Variants in CAMK4 observed in about 807,000 individuals in gnomAD.
CAMK4 encodes calcium/calmodulin dependent protein kinase IV, also known as calcium/calmodulin-dependent protein kinase type IV.
Under a neutral mutation model 44.9 loss-of-function variants are expected in CAMK4, and 22 were observed. The observed-to-expected ratio is 0.49, with a 90% CI of 0.35 to 0.70. The LOEUF (loss-of-function observed/expected upper bound fraction) is 0.70, where lower values mean the gene tolerates loss of function less well. Ranked by LOEUF, CAMK4 falls within the 30% of genes least tolerant of loss-of-function variation. The pLI, the probability that CAMK4 is intolerant of heterozygous loss-of-function variation, is 0.01. For synonymous variants in CAMK4, 218 were observed against 215.4 expected, an observed-to-expected ratio of 1.01 and a Z score of -0.11; for missense variants, 498 against 586.8, an observed-to-expected ratio of 0.85 and a Z score of 1.56.
At chr5:111,450,293 C>A (rs1580769655) in intron 7 of CAMK4, among the ~76,000 whole-genome samples, 2 of 152,326 alleles carry the variant, frequency 1.3e-5, no homozygotes, top group East Asian at 3.9e-4. Context: ...AAGATCGCAC[C>A]ACTGCACTAC....
chr5:111,350,135 C>G (rs1750031856), intron 2 of CAMK4, among the ~76,000 whole-genome samples: 1 of 151,986 alleles, frequency 6.6e-6, no homozygotes, highest in Non-Finnish European at 1.5e-5. Context: ...ATCTCTCAAT[C>G]TGTTTTTTCA....
intron 1 of CAMK4, among the ~76,000 whole-genome samples, chr5:111,253,105 AAC>A (rs1245384938): frequency 6.6e-6 from 1 of 152,260 alleles, no homozygotes; most frequent in African/African-American, 2.4e-5. Context: ...TAACTGGAGC[AAC>A]ACAGACACAT....
At chr5:111,278,497 T>G (rs1479887779) in intron 1 of CAMK4, among the ~76,000 whole-genome samples, 2 of 152,206 alleles carry the variant, frequency 1.3e-5, no homozygotes, top group South Asian at 2.1e-4. Context: ...TACATTATAT[T>G]ATAAACAAAG....
intron 1 of CAMK4, among the ~76,000 whole-genome samples, chr5:111,236,038 G>A (rs943361571): frequency 1.3e-5 from 2 of 152,180 alleles, no homozygotes; most frequent in East Asian, 1.9e-4. Context: ...ATAAAGCCCC[G>A]CACCTCACTC....
At chr5:111,252,350 TA>T (rs1749540150) in intron 1 of CAMK4, among the ~76,000 whole-genome samples, 1 of 152,182 alleles carries the variant, frequency 6.6e-6, no homozygotes, top group Non-Finnish European at 1.5e-5. Flanking sequence ...ATGGGGTGAG[TA>T]CCTTCTTATA....
At chr5:111,401,981 G>A (rs1029707528) in intron 5 of CAMK4, among the ~76,000 whole-genome samples, 1 of 152,310 alleles carries the variant, frequency 6.6e-6, no homozygotes, top group South Asian at 2.1e-4. Flanking sequence ...GCTGATAAGA[G>A]GCACTGAGAC....
chr5:111,416,329 A>G (rs1206878474), intron 5 of CAMK4, among the ~76,000 whole-genome samples: 1 of 152,182 alleles, frequency 6.6e-6, no homozygotes, highest in Non-Finnish European at 1.5e-5. Flanking sequence ...CCAGAGGAAT[A>G]TTACATTATA....
intron 7 of CAMK4, among the ~76,000 whole-genome samples, chr5:111,458,909 G>A (rs962068080): frequency 6.6e-6 from 1 of 152,056 alleles, no homozygotes; most frequent in African/African-American, 2.4e-5. Flanking sequence ...ATAGGAGAGG[G>A]GATAACTAAC....
intron 5 of CAMK4, among the ~76,000 whole-genome samples, chr5:111,436,761 C>T (rs1753660606): frequency 6.6e-6 from 1 of 152,126 alleles, no homozygotes; most frequent in Non-Finnish European, 1.5e-5. Context: ...ACATCAGTTT[C>T]GCTTTAATAC....
At chr5:111,247,742 T>C (rs992315908) in intron 1 of CAMK4, among the ~76,000 whole-genome samples, 3 of 152,148 alleles carry the variant, frequency 2.0e-5, no homozygotes, top group African/African-American at 7.2e-5. Flanking sequence ...TAATCTACTT[T>C]AGTGTTGTCT....
At chr5:111,331,915 A>G (rs749343863) in intron 1 of CAMK4, among the ~76,000 whole-genome samples, 20 of 151,542 alleles carry the variant, frequency 1.3e-4, no homozygotes, top group Non-Finnish European at 2.8e-4. Flanking sequence ...TAAGTTCATT[A>G]GGGGCCAGAA....
intron 5 of CAMK4, among the ~76,000 whole-genome samples, chr5:111,444,170 T>C (rs910330032): frequency 3.3e-5 from 5 of 152,228 alleles, no homozygotes; most frequent in Admixed American, 6.5e-5. Flanking sequence ...GCAAGACGTA[T>C]GTGCTCTACA....
At chr5:111,245,823 G>A (rs1428518239) in intron 1 of CAMK4, among the ~76,000 whole-genome samples, 1 of 152,242 alleles carries the variant, frequency 6.6e-6, no homozygotes, top group Non-Finnish European at 1.5e-5. Flanking sequence ...TGTTGGGTGT[G>A]TACGTCATAA....
intron 7 of CAMK4, among the ~76,000 whole-genome samples, chr5:111,460,427 A>T (rs1035508662): frequency 6.6e-5 from 10 of 151,756 alleles, no homozygotes; most frequent in Non-Finnish European, 1.5e-4. Flanking sequence ...GCACACTGCC[A>T]CACCGGGCTA....
At chr5:111,359,170 A>G (rs978187890) in intron 2 of CAMK4, among the ~76,000 whole-genome samples, 18 of 152,090 alleles carry the variant, frequency 1.2e-4, no homozygotes, top group Non-Finnish European at 2.6e-4. Context: ...GGTTGAACCA[A>G]TTTACACTCC....
At chr5:111,453,017 G>T (rs376066656) in intron 7 of CAMK4, among the ~76,000 whole-genome samples, 22 of 152,168 alleles carry the variant, frequency 1.4e-4, no homozygotes, top group African/African-American at 4.8e-4. Flanking sequence ...TATTATATAG[G>T]CGGGGGCAGT....
intron 5 of CAMK4, among the ~76,000 whole-genome samples, chr5:111,427,697 T>G (rs543498575): frequency 2.0e-5 from 3 of 152,122 alleles, no homozygotes; most frequent in Non-Finnish European, 2.9e-5. Flanking sequence ...GTCTTGTGGT[T>G]TGAGTGCCAG....
At chr5:111,384,204 A>T (rs947826945) in intron 4 of CAMK4, among the ~76,000 whole-genome samples, 1 of 152,162 alleles carries the variant, frequency 6.6e-6, no homozygotes, top group African/African-American at 2.4e-5. Flanking sequence ...AGGAGCACTG[A>T]AGGTCTGCTA....
At chr5:111,352,198 T>C (rs1266794683) in intron 2 of CAMK4, among the ~76,000 whole-genome samples, 2 of 152,034 alleles carry the variant, frequency 1.3e-5, no homozygotes, top group African/African-American at 4.8e-5. Flanking sequence ...GCCTTAATGA[T>C]ATAAAAGTAT....
Sources: gnomAD v4.1 joint callset for allele counts (sites outside exome capture counted in the v4.1 genomes callset) on GRCh38, gnomAD v4.1.1 for gene constraint, MANE v1.5 for transcripts, NCBI Gene and HGNC (gene_info 2026-07-23, HGNC 2026-07-21) for gene names.